RGS17: variants seen among roughly 807,000 people sequenced by gnomAD.
RGS17 encodes the protein regulator of G-protein signaling 17.
RGS17 carries 12 observed loss-of-function variants against 25.5 expected under a neutral mutation model. The observed-to-expected ratio is 0.47, with a 90% confidence interval of 0.30 to 0.76. The LOEUF (loss-of-function observed/expected upper bound fraction) is 0.76. Among genes scored for constraint, RGS17 ranks in the 30% least tolerant of loss-of-function variants. The pLI, the probability that RGS17 is intolerant of heterozygous loss-of-function variation, is 0.07. For synonymous variants in RGS17, 71 were observed against 76.9 expected (o/e 0.92, Z 0.40); for missense variants, 196 against 242.2 (o/e 0.81, Z 1.27).
At position 153,086,763 on chromosome 6, in the gene RGS17, T is replaced by C. The variant is rs190236646; in HGVS notation, c.-25-42720A>G. Among the ~76,000 whole-genome samples, 9 of 152,308 alleles carry C rather than the reference T, an allele frequency of 5.9e-5. 1 individual carries two copies. The highest frequency in any genetic ancestry group is 5.2e-4 in the Admixed American group (8 of 15,298). ...CCTAGACTAAACATACACACACATG[T>C]CCCATATGAACCCAGGAGTTTATCA... On this transcript the variant is annotated intron_variant, in intron 1 of 4. Transcript: ENST00000206262.
chr6:153,098,527 C>T (rs1777250873), intron 1 of RGS17, among the ~76,000 whole-genome samples: 1 of 152,104 alleles, frequency 6.6e-6, no homozygotes, highest in Admixed American at 6.5e-5. Flanking sequence ...TTGTATCTTT[C>T]ATGCAGTGAT....
intron 1 of RGS17, among the ~76,000 whole-genome samples, chr6:153,100,118 C>A (rs1777277825): frequency 1.3e-5 from 2 of 152,046 alleles, no homozygotes; most frequent in Admixed American, 1.3e-4. Flanking sequence ...CCTGGCAGAC[C>A]ATTTATCTAA....
At chr6:153,059,422 T>A (rs75705488) in intron 1 of RGS17, among the ~76,000 whole-genome samples, 1 of 152,206 alleles carries the variant, frequency 6.6e-6, no homozygotes, top group Non-Finnish European at 1.5e-5. Flanking sequence ...TGCACTTCTA[T>A]CAACTTTCTA....
At chr6:153,122,656 C>A (rs28607891) in intron 1 of RGS17, among the ~76,000 whole-genome samples, 1 of 151,854 alleles carries the variant, frequency 6.6e-6, no homozygotes, top group African/African-American at 2.4e-5. Flanking sequence ...TTTTTCCTGG[C>A]AGATAGAACA....
chr6:153,070,807 A>G (rs1215089577), intron 1 of RGS17, among the ~76,000 whole-genome samples: 3 of 151,056 alleles, frequency 2.0e-5, no homozygotes, highest in Admixed American at 6.7e-5. Context: ...ATATACATAT[A>G]CACATATACA....
intron 1 of RGS17, among the ~76,000 whole-genome samples, chr6:153,075,707 CAAAA>C (rs562763777): frequency 6.6e-6 from 1 of 151,812 alleles, no homozygotes; most frequent in East Asian, 1.9e-4. Flanking sequence ...GTGCATCTGT[CAAAA>C]AAATGAGAAA....
intron 1 of RGS17, among the ~76,000 whole-genome samples, chr6:153,078,225 T>C (rs2129118652): frequency 6.6e-6 from 1 of 152,318 alleles, no homozygotes; most frequent in African/African-American, 2.4e-5. Context: ...CTCTCTACTT[T>C]GTGCTTCTAT....
Position 153,008,670 on chromosome 6 carries a change from T to C in RGS17, c.*2904A>G, listed in dbSNP as rs1253202138. 6.6e-6 allele frequency: 1 copy of C among 152,230 alleles called. No individual in the cohort carries two copies. Among genetic ancestry groups the C allele is most frequent in the African/African-American group, 2.4e-5 (1 of 41,466 alleles). 9.4% of individuals were successfully genotyped at this position (152,230 alleles called of 1,614,324 possible). A position where few individuals can be genotyped will look rare whatever the true frequency, so the allele number is the denominator to read the frequency against. On this transcript the variant is annotated 3_prime_UTR_variant, in exon 5 of 5. Coordinates refer to ENST00000206262, the MANE Select transcript of RGS17 (RefSeq NM_012419.5). Reference sequence around the variant, plus strand: ...TGTGCATCAGCAAATTCTAATAGTATACAAAGATACCTTGGCAATTGAAAA... The same window carrying C: ...TGTGCATCAGCAAATTCTAATAGTACACAAAGATACCTTGGCAATTGAAAA...
chr6:153,122,951 TAA>T (rs1491570127), intron 1 of RGS17, among the ~76,000 whole-genome samples: 1 of 151,316 alleles, frequency 6.6e-6, no homozygotes, highest in Non-Finnish European at 1.5e-5. Flanking sequence ...TACATTGGAG[TAA>T]ATTGGAGTAT....
chr6:153,010,055 CAAAG>C lies in RGS17; in HGVS notation c.*1515_*1518del, dbSNP rs1034434745. On this transcript the variant is annotated 3_prime_UTR_variant, in exon 5 of 5. Transcript: ENST00000206262. ...AAATGAGAGGTAGTTAAAAAAATGA[CAAAG>C]AAAACCTGTAACTGTAATATCATCC... 16 of 151,362 alleles carry C rather than the reference CAAAG, an allele frequency of 1.1e-4. No homozygotes were observed. Among genetic ancestry groups the C allele is most frequent in the African/African-American group, 1.9e-4 (8 of 41,258 alleles). 9.4% of individuals were successfully genotyped at this position (151,362 alleles called of 1,614,324 possible). A position where few individuals can be genotyped will look rare whatever the true frequency, so the allele number is the denominator to read the frequency against.
At chr6:153,083,223 T>G (rs914078561) in intron 1 of RGS17, among the ~76,000 whole-genome samples, 21 of 152,228 alleles carry the variant, frequency 1.4e-4, no homozygotes, top group African/African-American at 5.1e-4. Flanking sequence ...ATTGTATCTC[T>G]AATTAAATGT....
chr6:153,027,049 C>G (rs1482195603), intron 2 of RGS17, among the ~76,000 whole-genome samples: 1 of 152,092 alleles, frequency 6.6e-6, no homozygotes, highest in South Asian at 2.1e-4. Flanking sequence ...TAATATCATT[C>G]CTTCAATTGC....
chr6:153,077,246 T>C (rs1776896351), intron 1 of RGS17, among the ~76,000 whole-genome samples: 1 of 152,206 alleles, frequency 6.6e-6, no homozygotes, highest in African/African-American at 2.4e-5. Context: ...TGGGAATTTC[T>C]AAAATACAGT....
chr6:153,110,752 C>T (rs1439932300), intron 1 of RGS17, among the ~76,000 whole-genome samples: 3 of 152,272 alleles, frequency 2.0e-5, no homozygotes, highest in East Asian at 1.9e-4. Context: ...CATCTCATTG[C>T]GACTGCTTAG....
chr6:153,084,126 A>C (rs1477411527), intron 1 of RGS17, among the ~76,000 whole-genome samples: 1 of 152,062 alleles, frequency 6.6e-6, no homozygotes, highest in Non-Finnish European at 1.5e-5. Context: ...TCTGGCATAC[A>C]AGGTAGTAGA....
rs1779086092 is a variant in RGS17 at position 153,007,301 on chromosome 6, TGAA to T, written c.*4270_*4272del. 2 of 152,178 alleles carry T rather than the reference TGAA, an allele frequency of 1.3e-5. No homozygotes were observed. The highest frequency in any genetic ancestry group is 1.5e-5 in the Non-Finnish European group (1 of 68,028). 9.4% of individuals were successfully genotyped at this position (152,178 alleles called of 1,614,324 possible). On this transcript the variant is annotated 3_prime_UTR_variant, in exon 5 of 5. Coordinates refer to ENST00000206262, the MANE Select transcript of RGS17 (RefSeq NM_012419.5). ...GATAAATATTTGCAGTTGTAGCAAG[TGAA>T]GAATTAAAAATTTTTGCAGATTGGA...
At chr6:153,112,364 A>G (rs563459109) in intron 1 of RGS17, among the ~76,000 whole-genome samples, 12 of 152,344 alleles carry the variant, frequency 7.9e-5, no homozygotes, top group African/African-American at 1.9e-4. Context: ...CCTGAAGACA[A>G]GATTAGAGAA....
At chr6:153,106,657 A>G (rs1404693545) in intron 1 of RGS17, among the ~76,000 whole-genome samples, 1 of 151,998 alleles carries the variant, frequency 6.6e-6, no homozygotes, top group Non-Finnish European at 1.5e-5. Flanking sequence ...TTATATATAC[A>G]TAGACATGGA....
intron 1 of RGS17, among the ~76,000 whole-genome samples, chr6:153,084,481 G>A (rs559651318): frequency 2.6e-5 from 4 of 152,260 alleles, no homozygotes; most frequent in South Asian, 2.1e-4. Flanking sequence ...GATTGAAGGC[G>A]GGTGAGGGAC....
Sources: gnomAD v4.1 joint callset for allele counts (sites outside exome capture counted in the v4.1 genomes callset) on GRCh38, gnomAD v4.1.1 for gene constraint, MANE v1.5 for transcripts, NCBI Gene and HGNC (gene_info 2026-07-23, HGNC 2026-07-21) for gene names.